Variants in MRTFA observed in about 807,000 individuals in gnomAD.
The protein encoded by MRTFA is myocardin-related transcription factor A.
Under a neutral mutation model 83.5 loss-of-function variants are expected in MRTFA, and 20 were observed. That is an observed-to-expected ratio of 0.24 (90% confidence interval 0.17 to 0.35). MRTFA has a LOEUF of 0.35. Among genes scored for constraint, MRTFA ranks in the 10% least tolerant of loss-of-function variants. The pLI is 1.00. For missense variants in MRTFA, 1,200 were observed against 1,224.7 expected (o/e 0.98, Z 0.30); for synonymous variants, 659 against 541.2 (o/e 1.22, Z -3.02).
chr22:40,599,059 G>A (rs2056226995), intron 1 of MRTFA, among the ~76,000 whole-genome samples: 2 of 151,176 alleles, frequency 1.3e-5, no homozygotes. Context: ...GAACCTTGGG[G>A]GGCCGGGGCG....
At chr22:40,557,867 G>A (rs767651784) in intron 2 of MRTFA, among the ~76,000 whole-genome samples, 13 of 152,016 alleles carry the variant, frequency 8.6e-5, no homozygotes, top group African/African-American at 1.7e-4. Flanking sequence ...TCCACCTCCC[G>A]GCCTCAAGCA....
chr22:40,586,277 AAAAG>A (rs953407144), intron 2 of MRTFA, among the ~76,000 whole-genome samples: 2 of 152,144 alleles, frequency 1.3e-5, no homozygotes, highest in African/African-American at 4.8e-5. Context: ...AAAAAAAAAA[AAAAG>A]AAGGAAAGAA....
At chr22:40,587,145 G>C (rs1017821631) in intron 2 of MRTFA, 10 of 457,864 alleles carry the variant, frequency 2.2e-5, no homozygotes, top group Non-Finnish European at 4.4e-5. Flanking sequence ...TCAAGATTCT[G>C]CTAAGGTCTG....
intron 9 of MRTFA, among the ~76,000 whole-genome samples, chr22:40,422,677 T>G (rs768747716): frequency 6.6e-6 from 1 of 152,140 alleles, no homozygotes; most frequent in Non-Finnish European, 1.5e-5. Context: ...GAGGCGGGAC[T>G]GGGGATGTCA....
At chr22:40,420,342 C>G in intron 11 of MRTFA, 63 bp downstream of exon 11, 3 of 1,557,556 alleles carry the variant, frequency 1.9e-6, no homozygotes, top group Non-Finnish European at 1.7e-6. Flanking sequence ...AAACCAGCAC[C>G]CAGACAGCCC....
Position 40,418,933 on chromosome 22 carries a change from CCCT to C in MRTFA, c.1802_1804del (p.Glu601del), listed in dbSNP as rs2052758573. 2 of 1,612,686 alleles carry C rather than the reference CCCT, an allele frequency of 1.2e-6. No homozygotes were observed. The highest frequency in any genetic ancestry group is 1.7e-5 in the Admixed American group (1 of 59,984). On this transcript the variant is annotated inframe_deletion, in exon 12 of 15. Transcript: ENST00000355630. ...CAGGCAACAGGACCCGGCCCGGGGGCCCTCCTCCTTCACGAGGATCTGCAGTGG... is the reference window on the plus strand; with the variant it reads ...CAGGCAACAGGACCCGGCCCGGGGGCCCTCCTTCACGAGGATCTGCAGTGG...
At chr22:40,508,373 G>C (rs944184055) in intron 3 of MRTFA, among the ~76,000 whole-genome samples, 4 of 151,760 alleles carry the variant, frequency 2.6e-5, no homozygotes, top group African/African-American at 9.7e-5. Flanking sequence ...CTAGCTGGGC[G>C]TGGTGGTGCA....
chr22:40,446,863 A>G lies in MRTFA; in HGVS notation c.308-11309T>C, dbSNP rs546461381. On this transcript the variant is annotated intron_variant, in intron 4 of 14. Transcript: ENST00000355630. ...TTCCAATAAATATCTGCGAGCCTAC[A>G]TGTGTCGGACCCTGTTTTAGTGTTG... Among the ~76,000 whole-genome samples the G allele has an allele frequency of 7.9e-4, 121 of 152,318 alleles. 1 individual carries two copies. Among genetic ancestry groups the G allele is most frequent in the African/African-American group, 2.8e-3 (118 of 41,566 alleles).
chr22:40,496,387 G>A (rs1355973694), intron 3 of MRTFA, among the ~76,000 whole-genome samples: 1 of 146,038 alleles, frequency 6.8e-6, no homozygotes, highest in Non-Finnish European at 1.5e-5. Context: ...TAGAAGCACA[G>A]TCACCAATCT....
At chr22:40,539,753 C>T (rs1175958038) in intron 3 of MRTFA, among the ~76,000 whole-genome samples, 3 of 152,008 alleles carry the variant, frequency 2.0e-5, no homozygotes, top group Non-Finnish European at 4.4e-5. Flanking sequence ...CCGCCTGCCT[C>T]GGCCTCCCAA....
intron 2 of MRTFA, among the ~76,000 whole-genome samples, chr22:40,576,852 A>T (rs1363843824): frequency 2.0e-5 from 3 of 152,244 alleles, no homozygotes; most frequent in Non-Finnish European, 2.9e-5. Flanking sequence ...AGGCCAAGGC[A>T]GAATGATGGC....
chr22:40,513,899 C>A (rs1190929541), intron 3 of MRTFA, among the ~76,000 whole-genome samples: 1 of 151,454 alleles, frequency 6.6e-6, no homozygotes, highest in Admixed American at 6.6e-5. Flanking sequence ...GAGTTTGAGA[C>A]CAGCCTGGGC....
At chr22:40,462,838 A>G (rs2053740196) in intron 4 of MRTFA, among the ~76,000 whole-genome samples, 1 of 152,220 alleles carries the variant, frequency 6.6e-6, no homozygotes, top group African/African-American at 2.4e-5. Context: ...CAGAACATGA[A>G]GGCAAAGCAT....
intron 2 of MRTFA, among the ~76,000 whole-genome samples, chr22:40,562,762 A>G (rs1430317474): frequency 1.9e-5 from 1 of 51,444 alleles, no homozygotes; most frequent in Non-Finnish European, 3.5e-5. Flanking sequence ...GGAGGGGGGA[A>G]TGGAGGGAGG....
intron 3 of MRTFA, among the ~76,000 whole-genome samples, chr22:40,497,890 T>G (rs886102876): frequency 1.3e-5 from 2 of 152,110 alleles, no homozygotes; most frequent in Admixed American, 1.3e-4. Flanking sequence ...TCCCAGCACT[T>G]TGGGAGGCCA....
At chr22:40,450,045 T>C (rs2053457773) in intron 4 of MRTFA, among the ~76,000 whole-genome samples, 1 of 152,182 alleles carries the variant, frequency 6.6e-6, no homozygotes, top group South Asian at 2.1e-4. Flanking sequence ...ACAGAAGAGG[T>C]TGGCTGTGTC....
At chr22:40,434,868 C>A (rs953722976) in intron 5 of MRTFA, among the ~76,000 whole-genome samples, 9 of 152,300 alleles carry the variant, frequency 5.9e-5, no homozygotes, top group Non-Finnish European at 1.0e-4. Flanking sequence ...ACTTCCCCAT[C>A]TCTACCCACA....
At chr22:40,533,628 A>AGAG in intron 3 of MRTFA, 2 of 1,230,122 alleles carry the variant, frequency 1.6e-6, no homozygotes, top group Non-Finnish European at 2.0e-6. Context: ...AGGTTCCAGT[A>AGAG]GAGTCATGAC....
rs1411118931 is a variant in MRTFA at position 40,416,873 on chromosome 22, T to C, written c.2578+113A>G. 6.9e-6 allele frequency: 7 copies of C among 1,015,434 alleles called. No individual in the cohort carries two copies. Among genetic ancestry groups the C allele is most frequent in the African/African-American group, 3.3e-5 (2 of 61,468 alleles). 62.9% of individuals were successfully genotyped at this position (1,015,434 alleles called of 1,614,324 possible). A position where few individuals can be genotyped will look rare whatever the true frequency, so the allele number is the denominator to read the frequency against. ...CAGCCACCACTGCATCCACAGTGCTTGCCCAAGACTGGTCACGCACGGAAG... is the reference window on the plus strand; with the variant it reads ...CAGCCACCACTGCATCCACAGTGCTCGCCCAAGACTGGTCACGCACGGAAG... On this transcript the variant is annotated intron_variant, in intron 14 of 14. Transcript: ENST00000355630. The surrounding 1 kb of genome is among the most constrained non-coding windows in gnomAD (Gnocchi z 4.2).
Sources: gnomAD v4.1 joint callset for allele counts (sites outside exome capture counted in the v4.1 genomes callset) on GRCh38, gnomAD v4.1.1 for gene constraint, Gnocchi (gnomAD v3.1) non-coding constraint, MANE v1.5 for transcripts, NCBI Gene and HGNC (gene_info 2026-07-23, HGNC 2026-07-21) for gene names.